The following DCC variants were observed in gnomAD, a reference collection of about 807,000 sequenced individuals.
The protein encoded by DCC is netrin receptor DCC.
DCC carries 58 observed loss-of-function variants against 172.5 expected under a neutral mutation model. The observed-to-expected ratio is 0.34, with a 90% CI of 0.27 to 0.42. The LOEUF is 0.42. DCC is among the 10% of genes least tolerant of loss of function. The pLI is 1.00. For missense variants in DCC, 1,740 were observed against 1,791.0 expected, an observed-to-expected ratio of 0.97 and a Z score of 0.51; for synonymous variants, 709 against 644.5, an observed-to-expected ratio of 1.10 and a Z score of -1.52.
At chr18:53,393,770 C>T (rs1908727554) in intron 17 of DCC, among the ~76,000 whole-genome samples, 1 of 152,204 alleles carries the variant, frequency 6.6e-6, no homozygotes, top group African/African-American at 2.4e-5. Context: ...ATAGTTACTA[C>T]AGCAGACATG....
chr18:52,380,330 A>G (rs1348102126), intron 1 of DCC, among the ~76,000 whole-genome samples: 1 of 152,132 alleles, frequency 6.6e-6, no homozygotes, highest in African/African-American at 2.4e-5. Flanking sequence ...CATCTTGCAA[A>G]TTAGCAAGAT....
intron 15 of DCC, among the ~76,000 whole-genome samples, chr18:53,355,572 G>A (rs2074424424): frequency 6.6e-6 from 1 of 152,084 alleles, no homozygotes; most frequent in Non-Finnish European, 1.5e-5. Context: ...TTGGTTCTCT[G>A]TCTGTTATTA....
At chr18:52,629,911 C>A (rs1193610306) in intron 1 of DCC, among the ~76,000 whole-genome samples, 1 of 137,716 alleles carries the variant, frequency 7.3e-6, no homozygotes, top group African/African-American at 2.7e-5. Context: ...GATGGCGCCA[C>A]TGCACTCCAG....
At chr18:52,513,421 A>G (rs1454733) in intron 1 of DCC, among the ~76,000 whole-genome samples, 148,022 of 152,206 alleles carry the variant, frequency 0.97, 72,121 homozygotes, top group Middle Eastern at 1. Flanking sequence ...CACTTCAAGG[A>G]CTGTGTGAGT....
rs73459302 is a variant in DCC at position 53,167,972 on chromosome 18, C to G, written c.1418+10460C>G. Among the ~76,000 whole-genome samples the G allele has an allele frequency of 1.6e-3, 241 of 152,274 alleles. 2 individuals are homozygous for G. Among genetic ancestry groups the G allele is most frequent in the African/African-American group, 5.7e-3 (238 of 41,568 alleles). On this transcript the variant is annotated intron_variant, in intron 8 of 28. Transcript: ENST00000442544. The stretch of plus-strand genomic sequence containing the variant: ...GAAGGTAACTCCAGGCTCATCATCA[C>G]TGGTCATTGAGAAATGCAAATCAAA...
chr18:52,532,669 T>A (rs1013843794), intron 1 of DCC, among the ~76,000 whole-genome samples: 6 of 152,086 alleles, frequency 3.9e-5, no homozygotes, highest in Non-Finnish European at 7.4e-5. Context: ...GGAACAAATT[T>A]ATTGTCCATA....
chr18:52,848,605 C>T (rs919751579), intron 2 of DCC, among the ~76,000 whole-genome samples: 7 of 151,868 alleles, frequency 4.6e-5, no homozygotes, highest in Admixed American at 2.0e-4. Context: ...TTTGGAGTTT[C>T]GCATGTTTAT....
At chr18:53,262,715 ATTT>A in intron 12 of DCC, among the ~76,000 whole-genome samples, 1 of 152,206 alleles carries the variant, frequency 6.6e-6, no homozygotes, top group Admixed American at 6.5e-5. Flanking sequence ...ATCAGAGGTT[ATTT>A]AGTTTTTCTG....
At chr18:53,341,537 C>G (rs1014943106) in intron 15 of DCC, among the ~76,000 whole-genome samples, 1 of 152,190 alleles carries the variant, frequency 6.6e-6, no homozygotes, top group Non-Finnish European at 1.5e-5. Context: ...AGTTTGCACT[C>G]TACAACTTAC....
intron 1 of DCC, among the ~76,000 whole-genome samples, chr18:52,526,315 A>G (rs947733464): frequency 4.6e-5 from 7 of 152,184 alleles, no homozygotes; most frequent in African/African-American, 1.7e-4. Flanking sequence ...CCTTGCAATG[A>G]GAATATTGAG....
At chr18:53,072,557 G>A (rs772262105) in intron 7 of DCC, among the ~76,000 whole-genome samples, 10 of 152,164 alleles carry the variant, frequency 6.6e-5, no homozygotes, top group African/African-American at 1.7e-4. Context: ...ATGCACCTAC[G>A]ATAGGGGCAT....
intron 3 of DCC, among the ~76,000 whole-genome samples, chr18:52,915,044 A>T (rs1368725273): frequency 6.6e-6 from 1 of 152,134 alleles, no homozygotes; most frequent in African/African-American, 2.4e-5. Context: ...AAAAGCAACT[A>T]CTGGTTATTT....
At chr18:53,137,536 C>T (rs1379222890) in intron 7 of DCC, among the ~76,000 whole-genome samples, 3 of 152,122 alleles carry the variant, frequency 2.0e-5, no homozygotes, top group African/African-American at 7.2e-5. Context: ...TGAAGGTAAC[C>T]ACCTTTGCCA....
intron 22 of DCC, among the ~76,000 whole-genome samples, chr18:53,437,407 T>G (rs893431846): frequency 3.3e-5 from 5 of 151,562 alleles, no homozygotes; most frequent in African/African-American, 1.2e-4. Context: ...GGTGAAACCC[T>G]GTCTCTACTA....
At chr18:52,908,269 A>G (rs1157376576) in intron 3 of DCC, among the ~76,000 whole-genome samples, 1 of 152,194 alleles carries the variant, frequency 6.6e-6, no homozygotes, top group African/African-American at 2.4e-5. Context: ...TCTTTTGCAG[A>G]TTCTCTACTC....
intron 23 of DCC, among the ~76,000 whole-genome samples, chr18:53,451,710 G>GCTCTCTCTCTCT (rs371232356): frequency 6.8e-5 from 10 of 147,434 alleles, no homozygotes; most frequent in East Asian, 4.0e-4. Flanking sequence ...GCTCGCTCTT[G>GCTCTCTCTCTCT]CTCTCTCTCT....
At chr18:52,966,880 TG>T (rs1304312452) in intron 5 of DCC, among the ~76,000 whole-genome samples, 2 of 152,220 alleles carry the variant, frequency 1.3e-5, no homozygotes, top group African/African-American at 4.8e-5. Flanking sequence ...AATTGAATTT[TG>T]CTTTGTAATA....
chr18:52,483,810 G>C (rs1188059551), intron 1 of DCC, among the ~76,000 whole-genome samples: 1 of 151,828 alleles, frequency 6.6e-6, no homozygotes, highest in Non-Finnish European at 1.5e-5. Flanking sequence ...CTGTTGTTCT[G>C]ATCTCTCTTT....
At chr18:53,283,193 A>C (rs540810991) in intron 12 of DCC, among the ~76,000 whole-genome samples, 1 of 152,204 alleles carries the variant, frequency 6.6e-6, no homozygotes, top group Non-Finnish European at 1.5e-5. Context: ...GCATTCAGCC[A>C]TAATTGATGA....
Sources: gnomAD v4.1 joint callset for allele counts (sites outside exome capture counted in the v4.1 genomes callset) on GRCh38, gnomAD v4.1.1 for gene constraint, MANE v1.5 for transcripts, NCBI Gene and HGNC (gene_info 2026-07-23, HGNC 2026-07-21) for gene names.